Variants in APBA2 observed in about 807,000 individuals in gnomAD.
APBA2 encodes amyloid beta precursor protein binding family A member 2, also known as amyloid-beta A4 precursor protein-binding family A member 2.
A neutral mutation model predicts 75.0 loss-of-function variants in APBA2; 30 were observed. The observed-to-expected ratio is 0.40, with a 90% confidence interval of 0.30 to 0.54. The LOEUF (loss-of-function observed/expected upper bound fraction) is 0.54. Ranked by LOEUF, APBA2 falls within the 20% of genes least tolerant of loss-of-function variation. The pLI is 0.49. For missense variants in APBA2, 801 were observed against 1,016.1 expected, an observed-to-expected ratio of 0.79 and a Z score of 2.88; for synonymous variants, 444 against 409.6, an observed-to-expected ratio of 1.08 and a Z score of -1.01.
intron 3 of APBA2, among the ~76,000 whole-genome samples, chr15:29,030,457 G>A (rs980170678): frequency 4.6e-5 from 7 of 151,516 alleles, no homozygotes; most frequent in South Asian, 2.1e-4. Flanking sequence ...GCCAGACTCC[G>A]TCTCAAAAAA....
chr15:28,998,433 G>A (rs1331059286), intron 3 of APBA2, among the ~76,000 whole-genome samples: 3 of 152,064 alleles, frequency 2.0e-5, no homozygotes, highest in Non-Finnish European at 2.9e-5. Flanking sequence ...TGTGATACTA[G>A]CATGTACCCC....
chr15:29,105,932 G>C (rs1308752089), intron 11 of APBA2, among the ~76,000 whole-genome samples: 4 of 152,242 alleles, frequency 2.6e-5, no homozygotes, highest in Non-Finnish European at 5.9e-5. Context: ...GCCTTAGCTG[G>C]TCCCAGTGGC....
intron 4 of APBA2, among the ~76,000 whole-genome samples, chr15:29,070,504 A>G (rs1341016435): frequency 2.6e-5 from 4 of 152,224 alleles, no homozygotes; most frequent in African/African-American, 9.6e-5. Flanking sequence ...GGGAGTAACT[A>G]TTATAAGAAC....
At chr15:29,058,912 G>C (rs751489711) in intron 4 of APBA2, among the ~76,000 whole-genome samples, 1 of 152,244 alleles carries the variant, frequency 6.6e-6, no homozygotes, top group African/African-American at 2.4e-5. Context: ...CCTAGGTCAG[G>C]ATTTCCCAAA....
chr15:28,951,984 G>T (rs1437973340), intron 2 of APBA2, among the ~76,000 whole-genome samples: 1 of 149,768 alleles, frequency 6.7e-6, no homozygotes, highest in African/African-American at 2.5e-5. Context: ...CACCTCATGG[G>T]TTCAAGGGAT....
intron 2 of APBA2, among the ~76,000 whole-genome samples, chr15:28,951,881 C>CTTTTTTTTTTT (rs71414600): frequency 9.1e-6 from 1 of 109,822 alleles, no homozygotes. Flanking sequence ...TGCACTCAGC[C>CTTTTTTTTTTT]TTTTTTTTTT....
At chr15:28,979,097 G>A (rs2152763841) in intron 2 of APBA2, among the ~76,000 whole-genome samples, 1 of 152,314 alleles carries the variant, frequency 6.6e-6, no homozygotes, top group Non-Finnish European at 1.5e-5. Flanking sequence ...TGAGCACTGT[G>A]CCTGGAGCAC....
intron 8 of APBA2, among the ~76,000 whole-genome samples, chr15:29,096,331 C>A (rs1026154615): frequency 1.3e-5 from 2 of 152,192 alleles, no homozygotes; most frequent in African/African-American, 4.8e-5. Context: ...CCACTGGAGG[C>A]TGGGTGGCTT....
chr15:29,094,250 G>A (rs971064412), intron 7 of APBA2, 28 bp from the exon 8 acceptor site: 5 of 1,613,842 alleles, frequency 3.1e-6, no homozygotes, highest in Admixed American at 1.7e-5. Context: ...GTGCCAACTT[G>A]TTTTTCTTTT....
At chr15:28,922,228 G>T (rs1190591055) in intron 2 of APBA2, among the ~76,000 whole-genome samples, 2 of 152,290 alleles carry the variant, frequency 1.3e-5, no homozygotes, top group African/African-American at 4.8e-5. Context: ...AAGTGGGCAG[G>T]TTCTTTCCGC....
chr15:29,101,584 T>A lies in APBA2; in HGVS notation c.1339-15T>A. On this transcript the variant is annotated splice_polypyrimidine_tract_variant and intron_variant, in intron 9 of 14. Coordinates refer to ENST00000683413, the MANE Select transcript of APBA2 (RefSeq NM_001353788.2). Reference sequence around the variant, plus strand: ...AGTAGTGTTCCCTGACGTGGCACTGTCTCCCTCCCGACAGGAAACCATGAT... The same window carrying A: ...AGTAGTGTTCCCTGACGTGGCACTGACTCCCTCCCGACAGGAAACCATGAT... The A allele has an allele frequency of 6.2e-7, 1 of 1,611,264 alleles. No homozygotes were observed. The highest frequency in any genetic ancestry group is 2.2e-5 in the East Asian group (1 of 44,792).
At chr15:28,906,413 C>A (rs2033135962) in intron 1 of APBA2, among the ~76,000 whole-genome samples, 8 of 152,180 alleles carry the variant, frequency 5.3e-5, no homozygotes, top group Admixed American at 5.2e-4. Context: ...TGGGTTGTTA[C>A]CATTTTTCTC....
rs758965145 is a variant in APBA2 at position 29,031,203 on chromosome 15, C to A, written c.-40-22642C>A. On this transcript the variant is annotated intron_variant, in intron 3 of 14. Transcript: ENST00000683413. ...TCATGGCTTAATTTTCTAAAATAAT[C>A]TGAAAATCTATGTTTTTCAACAGAT... Among the ~76,000 whole-genome samples, 42 of 152,232 alleles carry A rather than the reference C, an allele frequency of 2.8e-4. 1 individual carries two copies. Among genetic ancestry groups the A allele is most frequent in the Admixed American group, 1.3e-3 (20 of 15,288 alleles).
At chr15:29,114,668 T>C (rs1325077465) in intron 14 of APBA2, among the ~76,000 whole-genome samples, 1 of 150,176 alleles carries the variant, frequency 6.7e-6, no homozygotes, top group Non-Finnish European at 1.5e-5. Context: ...TGTATGAGTG[T>C]GGGTAAGTGT....
At chr15:29,027,501 T>C (rs1040235293) in intron 3 of APBA2, among the ~76,000 whole-genome samples, 1 of 151,584 alleles carries the variant, frequency 6.6e-6, no homozygotes, top group Non-Finnish European at 1.5e-5. Flanking sequence ...ATGTTTGTGT[T>C]TTCTTTCTTT....
intron 3 of APBA2, among the ~76,000 whole-genome samples, chr15:29,011,319 T>G (rs2039392465): frequency 1.3e-5 from 2 of 152,218 alleles, no homozygotes; most frequent in Non-Finnish European, 2.9e-5. Context: ...CAGCACCATT[T>G]TTGGATACGT....
chr15:29,029,611 G>A (rs895563916), intron 3 of APBA2, among the ~76,000 whole-genome samples: 1 of 152,004 alleles, frequency 6.6e-6, no homozygotes, highest in Non-Finnish European at 1.5e-5. Context: ...GAATTATTAG[G>A]TATGATGAGA....
At chr15:29,075,917 A>T in intron 5 of APBA2, 138 bp from the exon 6 acceptor site, 1 of 784,004 alleles carries the variant, frequency 1.3e-6, no homozygotes. Flanking sequence ...TATGGAGCTG[A>T]CATCTTCAGA....
chr15:29,109,259 C>T (rs998374543), intron 13 of APBA2, among the ~76,000 whole-genome samples: 1 of 152,192 alleles, frequency 6.6e-6, no homozygotes, highest in Non-Finnish European at 1.5e-5. Flanking sequence ...CCATTGTTTT[C>T]TGGTGAAGCA....
Sources: gnomAD v4.1 joint callset for allele counts (sites outside exome capture counted in the v4.1 genomes callset) on GRCh38, gnomAD v4.1.1 for gene constraint, MANE v1.5 for transcripts, NCBI Gene and HGNC (gene_info 2026-07-23, HGNC 2026-07-21) for gene names.